Variants in PDZD2 observed in about 807,000 individuals in gnomAD.
The protein encoded by PDZD2 is PDZ domain containing 2.
Under a neutral mutation model 220.7 loss-of-function variants are expected in PDZD2, and 90 were observed. The ratio of observed to expected loss-of-function variants is 0.41; its 90% CI spans 0.34 to 0.49. PDZD2 has a LOEUF of 0.49. PDZD2 is among the 20% of genes least tolerant of loss of function. PDZD2 has a pLI of 0.28. For missense variants in PDZD2, 3,174 were observed against 3,608.5 expected (o/e 0.88, Z 3.08); for synonymous variants, 1,375 against 1,450.5 (o/e 0.95, Z 1.18).
chr5:31,768,681 C>T (rs911692201), intron 1 of PDZD2, among the ~76,000 whole-genome samples: 4 of 151,328 alleles, frequency 2.6e-5, no homozygotes, highest in Non-Finnish European at 5.9e-5. Context: ...ATCAGGACTT[C>T]AGCAGTGATG....
At chr5:31,666,844 A>G (rs1013394920) in intron 1 of PDZD2, among the ~76,000 whole-genome samples, 6 of 152,148 alleles carry the variant, frequency 3.9e-5, no homozygotes, top group Non-Finnish European at 8.8e-5. Context: ...CCATTCAGGA[A>G]CCCTCAGACT....
rs1409200566 is a variant in PDZD2 at position 32,109,823 on chromosome 5, AT to A, written c.*1689del. The A allele has an allele frequency of 2.0e-5, 3 of 152,664 alleles. No homozygotes were observed. Among genetic ancestry groups the A allele is most frequent in the Admixed American group, 1.3e-4 (2 of 15,288 alleles). The allele number at this position is 152,664 out of a possible 1,614,324, so 9.5% of individuals were successfully genotyped here. A position where few individuals can be genotyped will look rare whatever the true frequency, so the allele number is the denominator to read the frequency against. ...ACATCATCATTTTTCTGAATGACCA[AT>A]CCCACTAAACATCTTTGAAGTCGGC... is the stretch of plus-strand genomic sequence containing the variant. On this transcript the variant is annotated 3_prime_UTR_variant, in exon 25 of 25. Transcript: ENST00000438447.
intron 2 of PDZD2, among the ~76,000 whole-genome samples, chr5:31,864,997 C>T (rs576965117): frequency 6.0e-5 from 9 of 149,262 alleles, no homozygotes; most frequent in South Asian, 2.1e-4. Context: ...TACAGGCGCC[C>T]GCCACCACGC....
At chr5:31,841,866 G>A (rs1165745436) in intron 2 of PDZD2, among the ~76,000 whole-genome samples, 1 of 152,050 alleles carries the variant, frequency 6.6e-6, no homozygotes, top group Non-Finnish European at 1.5e-5. Context: ...AGCTACTCGG[G>A]AGGCTGAGGC....
intron 2 of PDZD2, chr5:31,855,217 C>A: frequency 4.5e-6 from 3 of 671,152 alleles, no homozygotes; most frequent in Non-Finnish European, 3.7e-6. Flanking sequence ...CTGATCTGAT[C>A]CAGGTCGGGT....
chr5:31,697,003 C>T (rs945550251), intron 1 of PDZD2, among the ~76,000 whole-genome samples: 15 of 152,160 alleles, frequency 9.9e-5, no homozygotes, highest in Admixed American at 3.9e-4. Flanking sequence ...CAGAACAGGA[C>T]GGGATGTTAC....
At chr5:31,943,612 A>G (rs1353202334) in intron 2 of PDZD2, among the ~76,000 whole-genome samples, 1 of 152,250 alleles carries the variant, frequency 6.6e-6, no homozygotes, top group African/African-American at 2.4e-5. Flanking sequence ...CGTATTAAAC[A>G]CTTGCGTGCT....
intron 17 of PDZD2, 75 bp downstream of exon 17, chr5:32,072,392 C>T (rs1023787748): frequency 3.5e-5 from 42 of 1,206,530 alleles, no homozygotes; most frequent in Admixed American, 4.8e-5. Context: ...TCTGTGCTGG[C>T]GGCTACAATG....
intron 1 of PDZD2, among the ~76,000 whole-genome samples, chr5:31,796,313 G>T (rs576135824): frequency 6.6e-6 from 1 of 152,218 alleles, no homozygotes; most frequent in African/African-American, 2.4e-5. Flanking sequence ...CAGCAATGCA[G>T]CCCCGTCCAG....
chr5:31,686,116 CG>C (rs1250759180), intron 1 of PDZD2, among the ~76,000 whole-genome samples: 1 of 151,536 alleles, frequency 6.6e-6, no homozygotes, highest in Non-Finnish European at 1.5e-5. Flanking sequence ...CCCAGCTACT[CG>C]GGAGGCTGAG....
chr5:31,812,362 C>T (rs1208496351), intron 2 of PDZD2, among the ~76,000 whole-genome samples: 1 of 152,118 alleles, frequency 6.6e-6, no homozygotes, highest in Non-Finnish European at 1.5e-5. Context: ...CTTGTTCAAT[C>T]GAATGTCAGA....
intron 2 of PDZD2, among the ~76,000 whole-genome samples, chr5:31,855,764 C>A (rs1249275688): frequency 2.6e-5 from 4 of 152,206 alleles, no homozygotes; most frequent in African/African-American, 9.6e-5. Flanking sequence ...ACCACTGATT[C>A]CCAAAATGTT....
At chr5:32,009,829 C>T (rs1042319005) in intron 5 of PDZD2, among the ~76,000 whole-genome samples, 10 of 152,082 alleles carry the variant, frequency 6.6e-5, no homozygotes, top group South Asian at 2.1e-4. Flanking sequence ...TGGTGGCTCA[C>T]GCCTGTAATC....
At chr5:32,012,181 T>TA (rs1753374434) in intron 6 of PDZD2, among the ~76,000 whole-genome samples, 1 of 152,122 alleles carries the variant, frequency 6.6e-6, no homozygotes, top group African/African-American at 2.4e-5. Flanking sequence ...GGCTCATCCC[T>TA]ACTGAGCAGG....
At chr5:31,694,478 G>A (rs1747286504) in intron 1 of PDZD2, among the ~76,000 whole-genome samples, 1 of 152,160 alleles carries the variant, frequency 6.6e-6, no homozygotes, top group South Asian at 2.1e-4. Flanking sequence ...TCAGCCATAG[G>A]GTGTCTTGGC....
intron 6 of PDZD2, among the ~76,000 whole-genome samples, chr5:32,036,406 C>G (rs1292905493): frequency 6.6e-6 from 1 of 152,190 alleles, no homozygotes; most frequent in African/African-American, 2.4e-5. Flanking sequence ...TGATGTATCT[C>G]AAAAGTCTTG....
At chr5:31,819,576 G>A (rs1045997885) in intron 2 of PDZD2, among the ~76,000 whole-genome samples, 3 of 147,792 alleles carry the variant, frequency 2.0e-5, no homozygotes, top group Admixed American at 1.4e-4. Context: ...AGAGTCGTTC[G>A]AACCTGGGAG....
intron 1 of PDZD2, among the ~76,000 whole-genome samples, chr5:31,684,952 T>C (rs1355452198): frequency 6.6e-6 from 1 of 152,238 alleles, no homozygotes; most frequent in Non-Finnish European, 1.5e-5. Flanking sequence ...TATTTACTTA[T>C]TTAAGGGTAG....
intron 2 of PDZD2, among the ~76,000 whole-genome samples, chr5:31,831,779 T>TG (rs962995115): frequency 2.0e-5 from 3 of 147,626 alleles, no homozygotes; most frequent in African/African-American, 7.5e-5. Flanking sequence ...CTGGGCGTGG[T>TG]GGCGCTCACC....
Sources: allele counts gnomAD v4.1 joint callset (sites outside exome capture counted in the v4.1 genomes callset), GRCh38; gene constraint gnomAD v4.1.1; transcripts MANE v1.5; gene names NCBI Gene and HGNC (gene_info 2026-07-23, HGNC 2026-07-21).